Variants in ACYP2 observed in about 807,000 individuals in gnomAD.
ACYP2 encodes acylphosphatase-2.
Under a neutral mutation model 11.2 loss-of-function variants are expected in ACYP2, and 12 were observed. That is an observed-to-expected ratio of 1.08 (90% CI 0.69 to 1.74). The LOEUF is 1.74. Among genes scored for constraint, ACYP2 ranks in the 40% most tolerant of loss-of-function variants. The pLI is 0.00. For missense variants in ACYP2, 134 were observed against 101.9 expected, an observed-to-expected ratio of 1.31 and a Z score of -1.35; for synonymous variants, 43 against 32.2, an observed-to-expected ratio of 1.33 and a Z score of -1.13.
chr2:54,241,586 C>T (rs777537575), intron 6 of ACYP2, among the ~76,000 whole-genome samples: 3 of 151,958 alleles, frequency 2.0e-5, no homozygotes, highest in Non-Finnish European at 2.9e-5. Flanking sequence ...GGTAGAGATT[C>T]GTCTATGCCA....
intron 6 of ACYP2, among the ~76,000 whole-genome samples, chr2:54,238,068 C>A (rs948671866): frequency 2.0e-5 from 3 of 152,158 alleles, no homozygotes; most frequent in Non-Finnish European, 4.4e-5. Flanking sequence ...AAGACTCATT[C>A]CCTTACATGA....
chr2:54,161,245 C>A (rs187171755), intron 6 of ACYP2, among the ~76,000 whole-genome samples: 2 of 152,298 alleles, frequency 1.3e-5, no homozygotes, highest in Admixed American at 6.5e-5. Context: ...ACCTGGGGAG[C>A]TTTTACATGG....
Position 54,229,220 on chromosome 2 carries a change from A to G in ACYP2, c.405-75468A>G, listed in dbSNP as rs781193125. On this transcript the variant is annotated intron_variant, in intron 6 of 6. Coordinates refer to ENST00000607452, the MANE Select transcript of ACYP2 (RefSeq NM_001320586.2). ...GCTTCTGTGGGACATGGCATCATGT[A>G]GCAGTGACATTAGATACCCAAAGAC... 1.0e-3 allele frequency among the ~76,000 whole-genome samples: 156 copies of G among 152,224 alleles called. 1 individual carries two copies. Among genetic ancestry groups the G allele is most frequent in the Non-Finnish European group, 8.8e-5 (6 of 68,046 alleles).
intron 6 of ACYP2, among the ~76,000 whole-genome samples, chr2:54,225,048 C>T (rs149434602): frequency 6.6e-6 from 1 of 152,306 alleles, no homozygotes; most frequent in Non-Finnish European, 1.5e-5. Context: ...ATTCTGGGGG[C>T]ACAGCAATGA....
chr2:54,260,317 G>T (rs1026656813), intron 6 of ACYP2, among the ~76,000 whole-genome samples: 2 of 152,164 alleles, frequency 1.3e-5, no homozygotes, highest in Non-Finnish European at 2.9e-5. Flanking sequence ...GGACAGAGAA[G>T]AAGGTATGAA....
intron 4 of ACYP2, among the ~76,000 whole-genome samples, chr2:54,095,762 G>C (rs1313267249): frequency 7.6e-6 from 1 of 132,328 alleles, no homozygotes; most frequent in African/African-American, 2.9e-5. Flanking sequence ...TCACCTCCCG[G>C]ACGGGGCGGC....
chr2:54,096,618 G>A (rs1462070417), intron 4 of ACYP2, among the ~76,000 whole-genome samples: 1 of 152,130 alleles, frequency 6.6e-6, no homozygotes, highest in Admixed American at 6.5e-5. Context: ...ATCCCTCGCG[G>A]TTAGGAGCTG....
At chr2:54,130,779 G>C (rs1572825476) in intron 4 of ACYP2, among the ~76,000 whole-genome samples, 1 of 152,168 alleles carries the variant, frequency 6.6e-6, no homozygotes, top group Admixed American at 6.5e-5. Flanking sequence ...GTGGTATCCA[G>C]ATATGCCCTG....
intron 4 of ACYP2, among the ~76,000 whole-genome samples, chr2:54,096,658 C>T (rs1046439781): frequency 3.3e-5 from 5 of 152,156 alleles, no homozygotes; most frequent in Non-Finnish European, 7.4e-5. Flanking sequence ...CAGCGAAACC[C>T]CGTCTCCACC....
intron 4 of ACYP2, among the ~76,000 whole-genome samples, chr2:54,119,861 G>C (rs60973940): frequency 2.0e-5 from 3 of 152,088 alleles, no homozygotes; most frequent in African/African-American, 7.2e-5. Context: ...GCCTCCTCAG[G>C]CTCCTTGAGG....
intron 4 of ACYP2, among the ~76,000 whole-genome samples, chr2:54,132,547 C>G (rs1303339076): frequency 6.6e-6 from 1 of 152,116 alleles, no homozygotes; most frequent in African/African-American, 2.4e-5. Context: ...CATAAAATAT[C>G]TAAGCTACTG....
intron 6 of ACYP2, among the ~76,000 whole-genome samples, chr2:54,240,212 G>T (rs923422689): frequency 1.3e-5 from 2 of 152,194 alleles, no homozygotes; most frequent in Non-Finnish European, 2.9e-5. Context: ...GTGTCACCAT[G>T]ATCTTAGTGT....
intron 6 of ACYP2, among the ~76,000 whole-genome samples, chr2:54,295,555 C>G (rs149747552): frequency 6.6e-6 from 1 of 152,186 alleles, no homozygotes; most frequent in East Asian, 1.9e-4. Flanking sequence ...AAGCTGTAGA[C>G]CTGAAGAAGG....
intron 2 of ACYP2, among the ~76,000 whole-genome samples, chr2:53,982,150 C>G (rs566056082): frequency 1.6e-4 from 24 of 152,200 alleles, no homozygotes; most frequent in Admixed American, 1.2e-3. Context: ...CCACCTACCC[C>G]CCAGTTTTTA....
intron 6 of ACYP2, among the ~76,000 whole-genome samples, chr2:54,281,601 C>G (rs1688852654): frequency 1.3e-5 from 2 of 152,150 alleles, no homozygotes; most frequent in Non-Finnish European, 1.5e-5. Context: ...AACCCTTATG[C>G]TCAATTTTTT....
chr2:54,027,285 C>A (rs1205307258), intron 2 of ACYP2, among the ~76,000 whole-genome samples: 1 of 152,146 alleles, frequency 6.6e-6, no homozygotes, highest in Admixed American at 6.5e-5. Context: ...CCTTTTTCTC[C>A]TCTGAAGCAG....
chr2:54,285,899 G>A (rs1689057914), intron 6 of ACYP2, among the ~76,000 whole-genome samples: 1 of 152,178 alleles, frequency 6.6e-6, no homozygotes. Flanking sequence ...AAATCATGGA[G>A]TGGTGAGTTG....
At chr2:53,999,095 T>C (rs1672693643) in intron 2 of ACYP2, among the ~76,000 whole-genome samples, 1 of 152,108 alleles carries the variant, frequency 6.6e-6, no homozygotes, top group Non-Finnish European at 1.5e-5. Context: ...TGTGGGAGGA[T>C]ATAATTATCT....
chr2:54,256,323 C>T (rs930525387), intron 6 of ACYP2: 4 of 666,076 alleles, frequency 6.0e-6, no homozygotes, highest in Non-Finnish European at 1.0e-5. Context: ...TCTCGCGAGT[C>T]TGTGGTGGTG....
Sources: allele counts gnomAD v4.1 joint callset (sites outside exome capture counted in the v4.1 genomes callset), GRCh38; gene constraint gnomAD v4.1.1; transcripts MANE v1.5; gene names NCBI Gene and HGNC (gene_info 2026-07-23, HGNC 2026-07-21).